Variants in EPS15 observed in about 807,000 individuals in gnomAD.
EPS15 encodes the protein epidermal growth factor receptor pathway substrate 15, also known as epidermal growth factor receptor substrate 15.
In EPS15, 72 loss-of-function variants were observed where a neutral mutation model predicts 113.8. The observed-to-expected ratio is 0.63, with a 90% confidence interval of 0.52 to 0.77. The LOEUF is 0.77. Among genes scored for constraint, EPS15 ranks in the 30% least tolerant of loss-of-function variants. The probability of loss-of-function intolerance (pLI) is 0.00; values close to 1 mark genes in which losing one functional copy is unlikely to be tolerated. For synonymous variants in EPS15, 344 were observed against 363.4 expected (o/e 0.95, Z 0.61); for missense variants, 1,048 against 1,045.8 (o/e 1.00, Z -0.03).
intron 9 of EPS15, among the ~76,000 whole-genome samples, chr1:51,447,718 A>G (rs1653181130): frequency 6.6e-6 from 1 of 152,232 alleles, no homozygotes; most frequent in Non-Finnish European, 1.5e-5. Context: ...CTTTAATTCC[A>G]GGGAGATCAA....
intron 21 of EPS15, among the ~76,000 whole-genome samples, chr1:51,368,377 C>G (rs1257585204): frequency 1.3e-5 from 2 of 152,044 alleles, no homozygotes; most frequent in Admixed American, 6.5e-5. Flanking sequence ...TGGGTGGAAG[C>G]ATAGAGAAAT....
intron 1 of EPS15, among the ~76,000 whole-genome samples, chr1:51,517,074 ATTAAAT>A (rs1644733249): frequency 6.6e-6 from 1 of 152,224 alleles, no homozygotes; most frequent in Non-Finnish European, 1.5e-5. Flanking sequence ...AAAAAATTAA[ATTAAAT>A]TTAAAAACCA....
At chr1:51,509,080 T>C (rs1644573635) in intron 1 of EPS15, among the ~76,000 whole-genome samples, 1 of 152,164 alleles carries the variant, frequency 6.6e-6, no homozygotes, top group Non-Finnish European at 1.5e-5. Context: ...AGAAAGTCAG[T>C]GTTTATCTCC....
intron 1 of EPS15, among the ~76,000 whole-genome samples, chr1:51,502,088 TGA>T (rs1644424170): frequency 6.6e-6 from 1 of 152,140 alleles, no homozygotes; most frequent in Non-Finnish European, 1.5e-5. Context: ...GGCAACATAG[TGA>T]GACTCCATCT....
intron 21 of EPS15, among the ~76,000 whole-genome samples, chr1:51,389,125 C>T (rs1647186238): frequency 6.6e-6 from 1 of 152,196 alleles, no homozygotes; most frequent in Admixed American, 6.5e-5. Context: ...CCACCATGAT[C>T]AAGTGGGCTT....
chr1:51,365,114 G>A (rs1490048452), intron 22 of EPS15, among the ~76,000 whole-genome samples: 1 of 152,218 alleles, frequency 6.6e-6, no homozygotes, highest in African/African-American at 2.4e-5. Context: ...TAACAGGCAT[G>A]AGCCACCGCG....
chr1:51,468,768 C>T (rs1368247620), intron 4 of EPS15, among the ~76,000 whole-genome samples, 200 bp from the exon 5 acceptor site: 1 of 152,064 alleles, frequency 6.6e-6, no homozygotes, highest in Non-Finnish European at 1.5e-5. Context: ...TTATGAATCG[C>T]TAATAATAAC....
chr1:51,363,982 C>T lies in EPS15; in HGVS notation c.2243G>A (p.Ser748Asn), dbSNP rs1646448458. 2 of 1,613,560 alleles carry T rather than the reference C, an allele frequency of 1.2e-6. No homozygotes were observed. The highest frequency in any genetic ancestry group is 2.2e-5 in the East Asian group (1 of 44,884). Residue 748 changes from serine to asparagine, a missense_variant, in exon 23 of 25, where the codon AGC becomes AAC. Coordinates refer to ENST00000371733, the MANE Select transcript of EPS15 (RefSeq NM_001981.3). ...TACATTTTTTGTAATCACTACGTTGCTGACAGAGCTCGATGTGGCTGAACG... is the reference window on the plus strand; with the variant it reads ...TACATTTTTTGTAATCACTACGTTGTTGACAGAGCTCGATGTGGCTGAACG... ...PFRSATSSSV[S>N]NVVITKNVFE...
At position 51,472,928 on chromosome 1, in the gene EPS15, T is replaced by G; in HGVS notation, c.96A>C (p.Gly32=). The change falls in exon 3 of 25, where the codon GGA becomes GGC. Residue 32 remains glycine, a synonymous_variant. Transcript: ENST00000371733. ...YYRQVDTGNT[G]RVLASDAAAF... ...CAGCAGCATCAGAAGCCAACACCCT[T>G]CCAGTATTGCCTGTATCAACCTGAA... is the stretch of plus-strand genomic sequence containing the variant. 1 of 1,613,544 alleles carries G rather than the reference T, an allele frequency of 6.2e-7. No individual in the cohort carries two copies. The highest frequency in any genetic ancestry group is 8.5e-7 in the Non-Finnish European group (1 of 1,179,542).
At chr1:51,388,728 T>A (rs1163680073) in intron 21 of EPS15, among the ~76,000 whole-genome samples, 1 of 152,118 alleles carries the variant, frequency 6.6e-6, no homozygotes, top group African/African-American at 2.4e-5. Flanking sequence ...AAGAAATGGA[T>A]AAATTCCTCG....
At chr1:51,416,824 T>A (rs992507621) in intron 13 of EPS15, among the ~76,000 whole-genome samples, 4 of 150,872 alleles carry the variant, frequency 2.7e-5, no homozygotes, top group Non-Finnish European at 5.9e-5. Flanking sequence ...CATATCAATA[T>A]CAGTAATATA....
intron 15 of EPS15, 88 bp from the exon 16 acceptor site, chr1:51,406,196 C>T: frequency 1.8e-6 from 2 of 1,115,298 alleles, no homozygotes; most frequent in Non-Finnish European, 2.6e-6. Flanking sequence ...TCCTGACGGG[C>T]TAGGTGTGGT....
intron 12 of EPS15, among the ~76,000 whole-genome samples, chr1:51,439,019 C>A (rs952544412): frequency 2.0e-5 from 3 of 151,946 alleles, no homozygotes; most frequent in African/African-American, 7.3e-5. Context: ...AGGTCTTTTC[C>A]AGGAAATGCC....
intron 8 of EPS15, among the ~76,000 whole-genome samples, chr1:51,454,418 T>C (rs1449141856): frequency 6.6e-6 from 1 of 152,140 alleles, no homozygotes; most frequent in African/African-American, 2.4e-5. Context: ...AGTGGTGAAA[T>C]CTGGCAAACA....
At chr1:51,388,382 T>C (rs1169919504) in intron 21 of EPS15, among the ~76,000 whole-genome samples, 4 of 152,012 alleles carry the variant, frequency 2.6e-5, no homozygotes, top group Admixed American at 1.3e-4. Context: ...AGATCCAAAA[T>C]TGACACCCTA....
At chr1:51,462,381 AAAAG>A (rs1424564206) in intron 7 of EPS15, among the ~76,000 whole-genome samples, 2 of 151,960 alleles carry the variant, frequency 1.3e-5, no homozygotes, top group East Asian at 3.9e-4. Flanking sequence ...GAAAAAAAAA[AAAAG>A]AAAGGGCAAG....
At chr1:51,446,178 CTA>C (rs1018964419) in intron 10 of EPS15, among the ~76,000 whole-genome samples, 3 of 152,158 alleles carry the variant, frequency 2.0e-5, no homozygotes, top group African/African-American at 7.2e-5. Flanking sequence ...GGCAGACAAA[CTA>C]TAAAGCATTT....
chr1:51,463,606 C>T (rs1570361142), intron 7 of EPS15, 67 bp downstream of exon 7: 1 of 843,482 alleles, frequency 1.2e-6, no homozygotes, highest in Non-Finnish European at 1.8e-6. Context: ...GTTATACATG[C>T]TCCTGGCATA....
intron 13 of EPS15, among the ~76,000 whole-genome samples, chr1:51,421,105 T>G (rs558802106): frequency 6.6e-6 from 1 of 152,114 alleles, no homozygotes; most frequent in African/African-American, 2.4e-5. Context: ...CTGCCCAGTT[T>G]TCTCTATTTC....
Sources: allele counts gnomAD v4.1 joint callset (sites outside exome capture counted in the v4.1 genomes callset), GRCh38; gene constraint gnomAD v4.1.1; transcripts MANE v1.5; gene names NCBI Gene and HGNC (gene_info 2026-07-23, HGNC 2026-07-21).